MACROD2: variants seen among roughly 807,000 people sequenced by gnomAD.
MACROD2 encodes mono-ADP ribosylhydrolase 2, also known as ADP-ribose glycohydrolase MACROD2.
A neutral mutation model predicts 70.4 loss-of-function variants in MACROD2; 36 were observed. That is an observed-to-expected ratio of 0.51 (90% CI 0.39 to 0.68). The LOEUF (loss-of-function observed/expected upper bound fraction) is 0.68, where lower values mean the gene tolerates loss of function less well. Among genes scored for constraint, MACROD2 ranks in the 30% least tolerant of loss-of-function variants. MACROD2 has a pLI of 0.00. For missense variants in MACROD2, 496 were observed against 538.4 expected (o/e 0.92, Z 0.78); for synonymous variants, 172 against 178.8 (o/e 0.96, Z 0.30).
chr20:14,083,819 G>A (rs1483523924), intron 2 of MACROD2, among the ~76,000 whole-genome samples: 2 of 151,780 alleles, frequency 1.3e-5, no homozygotes, highest in Admixed American at 6.6e-5. Context: ...GGTGGCTCAC[G>A]CTTGTAATCC....
intron 13 of MACROD2, chr20:15,985,749 C>A (rs527994231): frequency 2.6e-5 from 4 of 152,276 alleles, no homozygotes; most frequent in African/African-American, 9.6e-5. Context: ...CTCGTTTCCC[C>A]GTCAGGGAAC....
At chr20:14,909,016 G>A (rs1175483119) in intron 5 of MACROD2, among the ~76,000 whole-genome samples, 4 of 152,176 alleles carry the variant, frequency 2.6e-5, no homozygotes, top group Admixed American at 2.0e-4. Flanking sequence ...GTATGGATTA[G>A]CAGGTCAAAA....
At chr20:14,017,491 G>GTTA (rs1463607435) in intron 2 of MACROD2, among the ~76,000 whole-genome samples, 2 of 152,042 alleles carry the variant, frequency 1.3e-5, no homozygotes, top group Non-Finnish European at 2.9e-5. Flanking sequence ...TTATGTTCAA[G>GTTA]TTATTCATAG....
chr20:14,932,649 T>A (rs1382998828), intron 5 of MACROD2, among the ~76,000 whole-genome samples: 1 of 152,220 alleles, frequency 6.6e-6, no homozygotes, highest in East Asian at 1.9e-4. Flanking sequence ...CACCACAACC[T>A]CCGCCTCACA....
intron 5 of MACROD2, among the ~76,000 whole-genome samples, chr20:14,964,356 A>G (rs2074611872): frequency 1.3e-5 from 2 of 152,036 alleles, no homozygotes; most frequent in African/African-American, 2.4e-5. Context: ...GCAGATCACG[A>G]GGTCAGGAGA....
At chr20:14,977,355 A>C (rs983332417) in intron 5 of MACROD2, among the ~76,000 whole-genome samples, 3 of 100,758 alleles carry the variant, frequency 3.0e-5, no homozygotes, top group Non-Finnish European at 6.4e-5. Context: ...TCTTCTTTTT[A>C]TGCTGTTTTC....
At chr20:14,164,025 A>G (rs1029165809) in intron 3 of MACROD2, among the ~76,000 whole-genome samples, 1 of 151,458 alleles carries the variant, frequency 6.6e-6, no homozygotes, top group Non-Finnish European at 1.5e-5. Context: ...TTCATGTTTC[A>G]TGTGTCCTTA....
intron 10 of MACROD2, among the ~76,000 whole-genome samples, chr20:15,897,193 G>T (rs967820567): frequency 2.0e-5 from 3 of 152,042 alleles, no homozygotes; most frequent in African/African-American, 7.2e-5. Context: ...AAGCAGTATT[G>T]GTGGGTAAAA....
chr20:14,092,840 T>G (rs770553222), intron 3 of MACROD2, among the ~76,000 whole-genome samples: 32 of 152,220 alleles, frequency 2.1e-4, no homozygotes, highest in Admixed American at 2.0e-4. Context: ...GATTTAATAC[T>G]ACTGCTGTCT....
At chr20:15,539,821 A>G (rs1169579532) in intron 8 of MACROD2, among the ~76,000 whole-genome samples, 3 of 152,210 alleles carry the variant, frequency 2.0e-5, no homozygotes, top group Non-Finnish European at 4.4e-5. Context: ...CTCTGTCTCT[A>G]CTAAAAAATA....
At chr20:15,015,722 C>T (rs1050740639) in intron 5 of MACROD2, among the ~76,000 whole-genome samples, 15 of 152,274 alleles carry the variant, frequency 9.9e-5, no homozygotes, top group Admixed American at 2.6e-4. Flanking sequence ...CTGATGTTCA[C>T]GAAACAGGTC....
chr20:14,010,248 T>C (rs575567288), intron 2 of MACROD2, among the ~76,000 whole-genome samples: 164 of 152,310 alleles, frequency 1.1e-3, no homozygotes, highest in Non-Finnish European at 2.0e-3. Flanking sequence ...AAAGTGCTAT[T>C]AAGATCATAA....
At chr20:15,509,378 C>G (rs1415286063) in intron 8 of MACROD2, among the ~76,000 whole-genome samples, 1 of 152,014 alleles carries the variant, frequency 6.6e-6, no homozygotes, top group Admixed American at 6.6e-5. Context: ...TAGCATGAGA[C>G]AGGTGAAATG....
At chr20:15,297,674 T>C (rs2077603483) in intron 6 of MACROD2, among the ~76,000 whole-genome samples, 1 of 152,198 alleles carries the variant, frequency 6.6e-6, no homozygotes, top group African/African-American at 2.4e-5. Context: ...GAAATGAATT[T>C]TCCATAAGAG....
chr20:14,376,787 T>TAAA (rs2083375845), intron 3 of MACROD2, among the ~76,000 whole-genome samples: 1 of 148,016 alleles, frequency 6.8e-6, no homozygotes, highest in African/African-American at 2.5e-5. Context: ...ATAATAATAA[T>TAAA]AATAATAATA....
At chr20:14,381,953 G>T (rs530808272) in intron 3 of MACROD2, among the ~76,000 whole-genome samples, 1 of 152,176 alleles carries the variant, frequency 6.6e-6, no homozygotes, top group South Asian at 2.1e-4. Context: ...GGTTTTTGAA[G>T]TCCTGGCTCT....
At chr20:14,081,572 C>T (rs1046632203) in intron 2 of MACROD2, among the ~76,000 whole-genome samples, 1 of 151,964 alleles carries the variant, frequency 6.6e-6, no homozygotes, top group African/African-American at 2.4e-5. Flanking sequence ...TCCATGAGGG[C>T]GATATACTTG....
At chr20:15,169,758 A>C (rs2076410341) in intron 5 of MACROD2, among the ~76,000 whole-genome samples, 1 of 152,190 alleles carries the variant, frequency 6.6e-6, no homozygotes. Flanking sequence ...GATAGGCACA[A>C]ATGACCTGAA....
intron 8 of MACROD2, among the ~76,000 whole-genome samples, chr20:15,725,048 C>T (rs1433527099): frequency 6.6e-6 from 1 of 152,150 alleles, no homozygotes; most frequent in Non-Finnish European, 1.5e-5. Context: ...CGCCACTCCA[C>T]TCCAGCCTGG....
Sources: allele counts gnomAD v4.1 joint callset (sites outside exome capture counted in the v4.1 genomes callset), GRCh38; gene constraint gnomAD v4.1.1; transcripts MANE v1.5; gene names NCBI Gene and HGNC (gene_info 2026-07-23, HGNC 2026-07-21).